The following TP73 variants were observed in gnomAD, a reference collection of about 807,000 sequenced individuals.
TP73 encodes the protein tumor protein p73.
Under a neutral mutation model 62.5 loss-of-function variants are expected in TP73, and 25 were observed. That is an observed-to-expected ratio of 0.40 (90% CI 0.29 to 0.56). The LOEUF (loss-of-function observed/expected upper bound fraction) is 0.56. TP73 is among the 20% of genes least tolerant of loss of function. TP73 has a pLI of 0.46. For missense variants in TP73, 754 were observed against 913.3 expected, an observed-to-expected ratio of 0.83 and a Z score of 2.25; for synonymous variants, 423 against 377.5, an observed-to-expected ratio of 1.12 and a Z score of -1.40.
intron 1 of TP73, among the ~76,000 whole-genome samples, chr1:3,661,420 T>C (rs1644984509): frequency 6.6e-6 from 1 of 152,092 alleles, no homozygotes; most frequent in Non-Finnish European, 1.5e-5. Flanking sequence ...AAAATACTCT[T>C]AGATCTGGCC....
chr1:3,666,957 C>T lies in TP73; in HGVS notation c.-34+14316C>T, dbSNP rs144993680. 3.3e-5 allele frequency among the ~76,000 whole-genome samples: 5 copies of T among 152,252 alleles called. No individual in the cohort carries two copies. The highest frequency in any genetic ancestry group is 1.3e-4 in the Admixed American group (2 of 15,296). ...TGTTATTTCCCATGGCAAAGGGGAC[C>T]GTGATTCAGCTATTTTGAGATGGGG... On this transcript the variant is annotated intron_variant, in intron 1 of 13. Transcript: ENST00000378295. The surrounding 1 kb of genome is among the most constrained non-coding windows in gnomAD (Gnocchi z 6.4).
At chr1:3,703,735 G>A (rs942885004) in intron 3 of TP73, among the ~76,000 whole-genome samples, 2 of 152,276 alleles carry the variant, frequency 1.3e-5, no homozygotes, top group Admixed American at 1.3e-4. Context: ...CAGGGATGGA[G>A]CAGGGATGGG....
chr1:3,692,706 G>A (rs534781498), intron 3 of TP73, among the ~76,000 whole-genome samples: 4 of 152,260 alleles, frequency 2.6e-5, no homozygotes, highest in South Asian at 2.1e-4. Flanking sequence ...CTGGCCAGCC[G>A]AGAAGCCTGG....
chr1:3,668,560 A>C (rs1220399383), intron 1 of TP73: 1 of 145,084 alleles, frequency 6.9e-6, no homozygotes, highest in African/African-American at 2.6e-5. Flanking sequence ...TGTTGGTAGG[A>C]CCAAAACGGT....
chr1:3,734,737 T>A lies in TP73; in HGVS notation c.*1658T>A, dbSNP rs953818729. 6.6e-6 allele frequency: 1 copy of A among 152,290 alleles called. No homozygotes were observed. The highest frequency in any genetic ancestry group is 1.5e-5 in the Non-Finnish European group (1 of 68,106). 9.4% of individuals were successfully genotyped at this position (152,290 alleles called of 1,614,324 possible). A position where few individuals can be genotyped will look rare whatever the true frequency, so the allele number is the denominator to read the frequency against. On this transcript the variant is annotated 3_prime_UTR_variant, in exon 14 of 14. Transcript: ENST00000378295. This position sits in a 1 kb window ranked among gnomAD's most constrained non-coding sequence, Gnocchi z 4.4. ...GACTGGTGTTGCCGCAGGTACCTGG[T>A]CTACGAAGACGCAGGCATCCCTCTC...
chr1:3,690,521 T>G (rs930750531), intron 3 of TP73, among the ~76,000 whole-genome samples: 5 of 152,136 alleles, frequency 3.3e-5, no homozygotes, highest in Non-Finnish European at 5.9e-5. Flanking sequence ...CTGGTGGGTT[T>G]AATTATGGAG....
chr1:3,688,700 G>A (rs1348203904), intron 3 of TP73, among the ~76,000 whole-genome samples: 1 of 152,224 alleles, frequency 6.6e-6, no homozygotes, highest in African/African-American at 2.4e-5. Context: ...CCGCTCTGGG[G>A]CAGAGGCCAG....
intron 8 of TP73, 84 bp from the exon 9 acceptor site, chr1:3,728,045 T>TG: frequency 7.2e-7 from 1 of 1,397,270 alleles, no homozygotes; most frequent in Non-Finnish European, 9.8e-7. Context: ...GCCCCAAGGG[T>TG]GGGGCAGGTC....
intron 4 of TP73, among the ~76,000 whole-genome samples, chr1:3,709,644 G>A (rs1639971154): frequency 6.6e-6 from 1 of 152,220 alleles, no homozygotes; most frequent in Admixed American, 6.5e-5. Flanking sequence ...ATCCTCACCT[G>A]CACACCTCCA....
At chr1:3,730,274 G>T in intron 11 of TP73, 126 bp downstream of exon 11, 1 of 1,164,392 alleles carries the variant, frequency 8.6e-7, no homozygotes, top group Non-Finnish European at 1.1e-6. Context: ...TCCTTCCAGC[G>T]GTTCCACCCT....
Position 3,735,438 on chromosome 1 carries a change from C to G in TP73, c.*2359C>G, listed in dbSNP as rs1642405971. ...GCCCAGGGGCAGCTGTCACTGGAAC[C>G]CCAGCCAGATGTCCAAGGAAGCCGG... On this transcript the variant is annotated 3_prime_UTR_variant, in exon 14 of 14. Coordinates refer to ENST00000378295, the MANE Select transcript of TP73 (RefSeq NM_005427.4). 6.6e-6 allele frequency: 1 copy of G among 152,358 alleles called. No homozygotes were observed. The highest frequency in any genetic ancestry group is 2.4e-5 in the African/African-American group (1 of 41,392). The allele number at this position is 152,358 out of a possible 1,614,324, so 9.4% of individuals were successfully genotyped here. A position where few individuals can be genotyped will look rare whatever the true frequency, so the allele number is the denominator to read the frequency against.
rs1020862723 is a variant in TP73, at chr1:3,722,510, C to T, written c.616+303C>T. Among the ~76,000 whole-genome samples, 8 of 152,176 alleles carry T rather than the reference C, an allele frequency of 5.3e-5. No homozygotes were observed. In the East Asian group the frequency reaches 5.8e-4, roughly 11 times the overall value. ...TCTCCAGTGTGCCTGGCAGGGCCTA[C>T]GGGCTACCCCAAGGATTAGCAGGAG... On this transcript the variant is annotated intron_variant, in intron 5 of 13. Coordinates refer to ENST00000378295, the MANE Select transcript of TP73 (RefSeq NM_005427.4).
At chr1:3,710,699 C>A (rs1348478016) in intron 4 of TP73, among the ~76,000 whole-genome samples, 6 of 152,248 alleles carry the variant, frequency 3.9e-5, no homozygotes, top group African/African-American at 1.4e-4. Flanking sequence ...CTGGAGGCTG[C>A]GGTTCACAGG....
At chr1:3,681,774 G>A (rs1040535623) in intron 1 of TP73, among the ~76,000 whole-genome samples, 1 of 152,106 alleles carries the variant, frequency 6.6e-6, no homozygotes, top group African/African-American at 2.4e-5. Flanking sequence ...ACCGGGACCG[G>A]AGCCACCTCC....
chr1:3,725,144 G>A (rs904226079), intron 6 of TP73, among the ~76,000 whole-genome samples: 12 of 152,146 alleles, frequency 7.9e-5, no homozygotes, highest in East Asian at 3.9e-4. Flanking sequence ...AGGTGAGCCC[G>A]CAGCATGCAA....
At position 3,699,828 on chromosome 1, in the gene TP73, A is replaced by G. The variant is rs1297960113; in HGVS notation, c.187-7721A>G. 1.3e-5 allele frequency among the ~76,000 whole-genome samples: 2 copies of G among 152,132 alleles called. No individual in the cohort carries two copies. The highest frequency in any genetic ancestry group is 4.8e-5 in the African/African-American group (2 of 41,432). The stretch of plus-strand genomic sequence containing the variant: ...GCGGGGCGTCAGGATTTCAGCTGAC[A>G]TCCCTACTACGCTTTTTCACGTGCC... On this transcript the variant is annotated intron_variant, in intron 3 of 13. Coordinates refer to ENST00000378295, the MANE Select transcript of TP73 (RefSeq NM_005427.4). The surrounding 1 kb of genome is among the most constrained non-coding windows in gnomAD (Gnocchi z 4.1).
intron 4 of TP73, among the ~76,000 whole-genome samples, chr1:3,709,229 G>A (rs1035642520): frequency 6.6e-6 from 1 of 152,214 alleles, no homozygotes. Context: ...CTAAGAGAAG[G>A]CTCAGCCCGG....
At position 3,666,124 on chromosome 1, in the gene TP73, CAAAAAAAAAAA is replaced by C. The variant is rs59432695; in HGVS notation, c.-34+13500_-34+13510del. On this transcript the variant is annotated intron_variant, in intron 1 of 13. Coordinates refer to ENST00000378295, the MANE Select transcript of TP73 (RefSeq NM_005427.4). The surrounding 1 kb of genome is among the most constrained non-coding windows in gnomAD (Gnocchi z 6.4). ...GGGCAACAAGAGCAAAACTCTGTCTCAAAAAAAAAAAAAAAAAAAAAAAAAAAGAGAGAGAG... is the reference window on the plus strand; with the variant it reads ...GGGCAACAAGAGCAAAACTCTGTCTCAAAAAAAAAAAAAAAAGAGAGAGAG... Among the ~76,000 whole-genome samples, 13 of 41,086 alleles carry C rather than the reference CAAAAAAAAAAA, an allele frequency of 3.2e-4. 1 individual carries two copies. Among genetic ancestry groups the C allele is most frequent in the East Asian group, 2.6e-3 (3 of 1,142 alleles). 27.0% of individuals were successfully genotyped at this position (41,086 alleles called of 152,430 possible).
Position 3,687,822 on chromosome 1 carries a change from G to A in TP73, c.186+4642G>A, listed in dbSNP as rs113331989. Among the ~76,000 whole-genome samples, 1,228 of 152,288 alleles carry A rather than the reference G, an allele frequency of 8.1e-3. 13 individuals carry two copies. Among genetic ancestry groups the A allele is most frequent in the Non-Finnish European group, 0.013 (889 of 68,002 alleles). ...GTTGTGGGCAGGTGGGCCACAGAGCGGGGTCTACAGCTGGTGGGGCAGAAG... is the reference window on the plus strand; with the variant it reads ...GTTGTGGGCAGGTGGGCCACAGAGCAGGGTCTACAGCTGGTGGGGCAGAAG... On this transcript the variant is annotated intron_variant, in intron 3 of 13. Transcript: ENST00000378295.
Sources: allele counts gnomAD v4.1 joint callset (sites outside exome capture counted in the v4.1 genomes callset), GRCh38; gene constraint gnomAD v4.1.1; non-coding constraint Gnocchi (gnomAD v3.1); transcripts MANE v1.5; gene names NCBI Gene and HGNC (gene_info 2026-07-23, HGNC 2026-07-21).